The following CNTNAP2 variants were observed in gnomAD, a reference collection of about 807,000 sequenced individuals.
CNTNAP2 encodes the protein contactin-associated protein-like 2.
CNTNAP2 carries 98 observed loss-of-function variants against 155.2 expected under a neutral mutation model. The observed-to-expected ratio is 0.63, with a 90% CI of 0.54 to 0.75. The LOEUF (loss-of-function observed/expected upper bound fraction) is 0.75, where lower values mean the gene tolerates loss of function less well. Among genes scored for constraint, CNTNAP2 ranks in the 30% least tolerant of loss-of-function variants. The pLI is 0.00. For missense variants in CNTNAP2, 1,727 were observed against 1,688.1 expected (o/e 1.02, Z -0.40); for synonymous variants, 651 against 631.2 (o/e 1.03, Z -0.47).
At chr7:147,702,999 G>T (rs1370024740) in intron 13 of CNTNAP2, among the ~76,000 whole-genome samples, 5 of 151,824 alleles carry the variant, frequency 3.3e-5, no homozygotes, top group African/African-American at 1.2e-4. Context: ...AGGATCACTT[G>T]TTATTTACAT....
intron 13 of CNTNAP2, among the ~76,000 whole-genome samples, chr7:147,687,072 T>C (rs954322161): frequency 2.0e-5 from 3 of 152,098 alleles, no homozygotes; most frequent in Non-Finnish European, 4.4e-5. Flanking sequence ...ATATTCTGAT[T>C]AACCTGATTT....
chr7:147,517,428 C>T (rs1054835995), intron 11 of CNTNAP2, among the ~76,000 whole-genome samples: 3 of 152,154 alleles, frequency 2.0e-5, no homozygotes, highest in Non-Finnish European at 4.4e-5. Flanking sequence ...TGGAAAGAAA[C>T]ATCCGAACGT....
rs1029236066 is a variant in CNTNAP2 at position 146,229,906 on chromosome 7, A to G, written c.97+112933A>G. 3.9e-5 allele frequency among the ~76,000 whole-genome samples: 6 copies of G among 152,162 alleles called. No homozygotes were observed. In the South Asian group the frequency reaches 8.3e-4, roughly 21 times the overall value. ...AGGGAAATATAATTCAGCAGAGTCA[A>G]TCGTGACTGTTTTGAATATGGTTTA... On this transcript the variant is annotated intron_variant, in intron 1 of 23. Transcript: ENST00000361727.
chr7:148,197,920 T>C (rs1795303058), intron 18 of CNTNAP2, among the ~76,000 whole-genome samples: 1 of 152,248 alleles, frequency 6.6e-6, no homozygotes, highest in Non-Finnish European at 1.5e-5. Flanking sequence ...AGATTAGTTC[T>C]TCAAGTTCCA....
chr7:148,328,955 G>C (rs1191223701), intron 21 of CNTNAP2, among the ~76,000 whole-genome samples: 7 of 122,486 alleles, frequency 5.7e-5, no homozygotes, highest in African/African-American at 1.3e-4. Context: ...CAGCCTAAGC[G>C]ACAGAGCAAG....
chr7:146,825,241 C>G (rs1803377631), intron 2 of CNTNAP2, among the ~76,000 whole-genome samples: 1 of 152,112 alleles, frequency 6.6e-6, no homozygotes. Context: ...AATCTCCCCT[C>G]TTTATCAAAA....
intron 1 of CNTNAP2, among the ~76,000 whole-genome samples, chr7:146,761,354 C>T (rs180691872): frequency 1.3e-5 from 2 of 151,320 alleles, no homozygotes; most frequent in South Asian, 2.1e-4. Context: ...AAGTGTGTTC[C>T]CTGAAAAGAG....
At chr7:146,582,607 C>T (rs1798628122) in intron 1 of CNTNAP2, among the ~76,000 whole-genome samples, 2 of 152,154 alleles carry the variant, frequency 1.3e-5, no homozygotes, top group Admixed American at 1.3e-4. Flanking sequence ...AGGTTTTTCA[C>T]ATGGACAACT....
intron 1 of CNTNAP2, among the ~76,000 whole-genome samples, chr7:146,720,915 C>G (rs1318295530): frequency 7.1e-6 from 1 of 140,566 alleles, no homozygotes; most frequent in East Asian, 2.1e-4. Context: ...TATATATACT[C>G]TCTATATATT....
At chr7:148,312,389 C>T (rs576664208) in intron 21 of CNTNAP2, among the ~76,000 whole-genome samples, 123 of 152,270 alleles carry the variant, frequency 8.1e-4, no homozygotes, top group African/African-American at 2.8e-3. Context: ...TTGGGCTTGA[C>T]TGAAGTAATG....
intron 8 of CNTNAP2, among the ~76,000 whole-genome samples, chr7:147,209,945 T>C (rs1803110292): frequency 6.6e-6 from 1 of 152,098 alleles, no homozygotes; most frequent in South Asian, 2.1e-4. Flanking sequence ...TGCTTGATTG[T>C]GGTGCATTAA....
intron 13 of CNTNAP2, among the ~76,000 whole-genome samples, chr7:147,811,003 A>G (rs1422487713): frequency 6.6e-6 from 1 of 152,212 alleles, no homozygotes; most frequent in Admixed American, 6.5e-5. Flanking sequence ...GTCAGAATTG[A>G]TTGATAAAGT....
At chr7:147,058,215 A>C (rs1392209421) in intron 4 of CNTNAP2, among the ~76,000 whole-genome samples, 1 of 152,202 alleles carries the variant, frequency 6.6e-6, no homozygotes, top group African/African-American at 2.4e-5. Context: ...TTTGGGATCA[A>C]GAGGAGATTG....
chr7:146,589,507 C>T (rs958409904), intron 1 of CNTNAP2, among the ~76,000 whole-genome samples: 1 of 151,890 alleles, frequency 6.6e-6, no homozygotes, highest in Admixed American at 6.6e-5. Flanking sequence ...GAACAGAAAA[C>T]TAAACACTGC....
intron 9 of CNTNAP2, among the ~76,000 whole-genome samples, chr7:147,305,996 T>A (rs866721903): frequency 1.3e-5 from 2 of 152,136 alleles, no homozygotes; most frequent in Non-Finnish European, 2.9e-5. Flanking sequence ...CGCATCTGAA[T>A]TTCCTTCCTC....
At chr7:148,357,076 G>C (rs541190946) in intron 21 of CNTNAP2, among the ~76,000 whole-genome samples, 1 of 152,204 alleles carries the variant, frequency 6.6e-6, no homozygotes, top group Admixed American at 6.5e-5. Context: ...TGGTTTGACT[G>C]TGTCCCCACC....
At chr7:146,604,952 A>T (rs1172070900) in intron 1 of CNTNAP2, among the ~76,000 whole-genome samples, 4 of 133,512 alleles carry the variant, frequency 3.0e-5, no homozygotes. Flanking sequence ...GAGGGATAGC[A>T]TTGGGAGATA....
intron 13 of CNTNAP2, among the ~76,000 whole-genome samples, chr7:147,791,513 G>T (rs1484456104): frequency 3.9e-5 from 4 of 103,064 alleles, no homozygotes; most frequent in Admixed American, 1.0e-4. Context: ...CTTTCTTTTT[G>T]GTATTTACTC....
intron 9 of CNTNAP2, among the ~76,000 whole-genome samples, chr7:147,380,333 C>T (rs1796515041): frequency 6.6e-6 from 1 of 152,010 alleles, no homozygotes. Context: ...TAGCATTCTG[C>T]ATTTACATTC....
Sources: gnomAD v4.1 joint callset for allele counts (sites outside exome capture counted in the v4.1 genomes callset) on GRCh38, gnomAD v4.1.1 for gene constraint, MANE v1.5 for transcripts, NCBI Gene and HGNC (gene_info 2026-07-23, HGNC 2026-07-21) for gene names.